Variants in ANXA8 observed in about 807,000 individuals in gnomAD.
The protein encoded by ANXA8 is VAC-beta.
In ANXA8, 9 loss-of-function variants were observed where a neutral mutation model predicts 26.8. That is an observed-to-expected ratio of 0.34 (90% CI 0.20 to 0.59). ANXA8 has a LOEUF of 0.59. Ranked by LOEUF, ANXA8 falls within the 20% of genes least tolerant of loss-of-function variation. The pLI is 0.84. For synonymous variants in ANXA8, 39 were observed against 94.8 expected (o/e 0.41, Z 3.42); for missense variants, 83 against 238.5 (o/e 0.35, Z 4.29).
At chr10:47,660,746 G>C in the ANXA8 span, among the ~76,000 whole-genome samples, 2 of 147,606 alleles carry the variant, frequency 1.4e-5, no homozygotes, top group South Asian at 4.2e-4. Flanking sequence ...AAATTGATGG[G>C]CTTGTTATTG....
chr10:47,564,976 C>A, the ANXA8 span: 8 of 1,155,372 alleles, frequency 6.9e-6, 1 homozygote, highest in Non-Finnish European at 1.0e-5. Flanking sequence ...AGCTGTCCAG[C>A]TGCCAAGTCA....
the ANXA8 span, among the ~76,000 whole-genome samples, chr10:47,895,304 C>T: frequency 2.0e-5 from 3 of 152,178 alleles, no homozygotes; most frequent in Non-Finnish European, 4.4e-5. Flanking sequence ...AGGGACACCC[C>T]AAGAAACGGG....
the ANXA8 span, among the ~76,000 whole-genome samples, chr10:47,645,505 A>AAGAAAG: frequency 6.7e-6 from 1 of 149,712 alleles, no homozygotes; most frequent in Admixed American, 6.6e-5. Flanking sequence ...TAAAAATAAA[A>AAGAAAG]AGAAAGAGAA....
the ANXA8 span, among the ~76,000 whole-genome samples, chr10:47,618,023 A>C: frequency 8.9e-6 from 1 of 111,922 alleles, no homozygotes; most frequent in African/African-American, 3.5e-5. Flanking sequence ...CATGTGGTTT[A>C]AGAGAATGGA....
the ANXA8 span, among the ~76,000 whole-genome samples, chr10:47,699,138 G>A: frequency 6.6e-6 from 1 of 151,434 alleles, no homozygotes; most frequent in Non-Finnish European, 1.5e-5. Flanking sequence ...CTTGAGGCCA[G>A]GAGTTTGGGA....
At chr10:47,769,960 G>T in the ANXA8 span, among the ~76,000 whole-genome samples, 219 of 151,602 alleles carry the variant, frequency 1.4e-3, no homozygotes, top group East Asian at 0.019. Flanking sequence ...GCCTCAGGAA[G>T]CTTCTACTCA....
At chr10:47,671,871 C>T in the ANXA8 span, among the ~76,000 whole-genome samples, 8 of 147,914 alleles carry the variant, frequency 5.4e-5, no homozygotes, top group Non-Finnish European at 6.0e-5. Context: ...TGTTTTGCTT[C>T]TTTTTTTTTT....
At chr10:47,719,241 G>A in the ANXA8 span, among the ~76,000 whole-genome samples, 2 of 142,754 alleles carry the variant, frequency 1.4e-5, no homozygotes, top group Admixed American at 7.0e-5. Context: ...CTCACTATAA[G>A]CTCTGCCTCC....
At chr10:47,701,208 A>G in the ANXA8 span, among the ~76,000 whole-genome samples, 3 of 151,558 alleles carry the variant, frequency 2.0e-5, no homozygotes, top group Admixed American at 6.6e-5. Flanking sequence ...ATTAAAAAAA[A>G]AAAAAGCACA....
chr10:47,575,366 T>C, the ANXA8 span, among the ~76,000 whole-genome samples: 20 of 121,532 alleles, frequency 1.6e-4, no homozygotes, highest in East Asian at 3.9e-3. Flanking sequence ...ATTTGTATTT[T>C]TATCAAACAT....
chr10:47,554,814 G>C, the ANXA8 span, among the ~76,000 whole-genome samples: 1 of 152,090 alleles, frequency 6.6e-6, no homozygotes, highest in Admixed American at 6.5e-5. Flanking sequence ...CCTACGTGGC[G>C]CATGCTTCCC....
the ANXA8 span, among the ~76,000 whole-genome samples, chr10:47,648,343 T>G: frequency 1.3e-5 from 2 of 151,046 alleles, no homozygotes; most frequent in Non-Finnish European, 2.9e-5. Context: ...TGGCTAAAGA[T>G]CAAGATTATT....
the ANXA8 span, among the ~76,000 whole-genome samples, chr10:47,623,533 C>A: frequency 1.8e-5 from 2 of 111,654 alleles, 1 homozygote; most frequent in Admixed American, 1.9e-4. Flanking sequence ...TTAGATATTG[C>A]TGAATGTCTG....
chr10:47,489,086 A>C, upstream of ANXA8, among the ~76,000 whole-genome samples: 1 of 147,050 alleles, frequency 6.8e-6, no homozygotes, highest in East Asian at 2.0e-4. Context: ...GGCATGATCT[A>C]GGCTCACTGC....
At chr10:47,680,782 T>G in the ANXA8 span, among the ~76,000 whole-genome samples, 1 of 151,536 alleles carries the variant, frequency 6.6e-6, no homozygotes, top group Non-Finnish European at 1.5e-5. Context: ...TAAAAACCAG[T>G]TATTTACCCC....
the ANXA8 span, among the ~76,000 whole-genome samples, chr10:47,951,579 C>G: frequency 4.7e-5 from 7 of 150,520 alleles, 1 homozygote; most frequent in East Asian, 6.2e-4. Context: ...AGAGGCTGAG[C>G]TGGGTGGATC....
the ANXA8 span, among the ~76,000 whole-genome samples, chr10:47,551,113 C>A: frequency 6.6e-6 from 1 of 151,630 alleles, no homozygotes. Flanking sequence ...CACCTTAAAT[C>A]TGACTGCTTT....
chr10:47,499,101 CAAAAAAT>C, the ANXA8 span, among the ~76,000 whole-genome samples: 14 of 136,648 alleles, frequency 1.0e-4, 1 homozygote, highest in South Asian at 4.5e-4. Context: ...GACTCGGTCT[CAAAAAAT>C]AAAAAATAAA....
chr10:47,580,781 CA>C, the ANXA8 span, among the ~76,000 whole-genome samples: 12 of 144,144 alleles, frequency 8.3e-5, no homozygotes, highest in Non-Finnish European at 9.0e-5. Context: ...ACAAAACAAA[CA>C]AAAAAAAACA....
Sources: allele counts gnomAD v4.1 joint callset (sites outside exome capture counted in the v4.1 genomes callset), GRCh38; gene constraint gnomAD v4.1.1; transcripts MANE v1.5; gene names NCBI Gene and HGNC (gene_info 2026-07-23, HGNC 2026-07-21).